Variants in PKIG observed in about 807,000 individuals in gnomAD.
PKIG encodes the protein protein kinase (cAMP-dependent, catalytic) inhibitor gamma.
In PKIG, 1 loss-of-function variant was observed where a neutral mutation model predicts 6.8. That is an observed-to-expected ratio of 0.15 (90% CI 0.05 to 0.69). PKIG has a LOEUF of 0.69. Ranked by LOEUF, PKIG falls within the 30% of genes least tolerant of loss-of-function variation. The pLI is 0.82. For missense variants in PKIG, 77 were observed against 104.0 expected, an observed-to-expected ratio of 0.74 and a Z score of 1.13; for synonymous variants, 39 against 43.0, an observed-to-expected ratio of 0.91 and a Z score of 0.36.
chr20:44,552,233 G>C (rs547925043), intron 1 of PKIG, among the ~76,000 whole-genome samples: 5 of 152,312 alleles, frequency 3.3e-5, no homozygotes, highest in African/African-American at 1.2e-4. Flanking sequence ...ATTTCTCAAA[G>C]CCATCCATCA....
intron 1 of PKIG, among the ~76,000 whole-genome samples, chr20:44,555,869 G>A (rs573441125): frequency 2.0e-5 from 3 of 152,114 alleles, no homozygotes; most frequent in South Asian, 2.1e-4. Flanking sequence ...ACGGAGTCTC[G>A]CTGTGTCACC....
At chr20:44,575,918 G>A (rs376504119) in intron 1 of PKIG, among the ~76,000 whole-genome samples, 2 of 152,172 alleles carry the variant, frequency 1.3e-5, no homozygotes, top group South Asian at 2.1e-4. Context: ...CCTCCCTGGG[G>A]TCCCACACCA....
In PKIG at chr20:44,614,476, T is replaced by A. The variant is rs1359712146; in HGVS notation, c.-23-58T>A. The A allele has an allele frequency of 7.8e-7, 1 of 1,287,614 alleles. No homozygotes were observed. Among genetic ancestry groups the A allele is most frequent in the Non-Finnish European group, 1.1e-6 (1 of 906,302 alleles). 79.8% of individuals were successfully genotyped at this position (1,287,614 alleles called of 1,614,324 possible). The stretch of plus-strand genomic sequence containing the variant: ...CCACTGTGCTGGGGAACTGGAGCTG[T>A]CCTCTCTGCAGAATGCATCTGGACT... On this transcript the variant is annotated intron_variant, in intron 2 of 3. Transcript: ENST00000372886. This position sits in a 1 kb window ranked among gnomAD's most constrained non-coding sequence, Gnocchi z 4.6.
At chr20:44,551,057 G>A (rs2064663386) in intron 1 of PKIG, among the ~76,000 whole-genome samples, 1 of 151,922 alleles carries the variant, frequency 6.6e-6, no homozygotes. Context: ...ACAAAACAAA[G>A]CAACATTTTC....
chr20:44,590,014 C>T (rs540912683), intron 2 of PKIG, 148 bp downstream of exon 2: 4 of 152,262 alleles, frequency 2.6e-5, no homozygotes, highest in African/African-American at 7.2e-5. Flanking sequence ...GGCAGGATGG[C>T]TCTTTTCAGA....
intron 1 of PKIG, among the ~76,000 whole-genome samples, chr20:44,562,996 G>A (rs1004988566): frequency 1.3e-5 from 2 of 152,174 alleles, no homozygotes; most frequent in African/African-American, 4.8e-5. Flanking sequence ...GTTGCAGTGA[G>A]TGGAGATCGT....
chr20:44,589,673 A>G (rs1869538954), intron 1 of PKIG, 124 bp from the exon 2 acceptor site: 1 of 152,238 alleles, frequency 6.6e-6, no homozygotes. Flanking sequence ...TTGACCCCAA[A>G]GGATATGTAT....
At chr20:44,577,197 C>T (rs2064906216) in intron 1 of PKIG, among the ~76,000 whole-genome samples, 1 of 152,144 alleles carries the variant, frequency 6.6e-6, no homozygotes, top group African/African-American at 2.4e-5. Flanking sequence ...GCAACCTCTG[C>T]CTCCCAGGTT....
upstream of PKIG, among the ~76,000 whole-genome samples, chr20:44,578,663 C>G (rs1023345199): frequency 2.6e-5 from 4 of 152,190 alleles, no homozygotes; most frequent in Admixed American, 6.5e-5. Context: ...TGCCATGCTT[C>G]TTATACAGTC....
At chr20:44,597,889 T>C (rs972449721) in intron 2 of PKIG, among the ~76,000 whole-genome samples, 2 of 152,240 alleles carry the variant, frequency 1.3e-5, no homozygotes, top group Admixed American at 6.5e-5. Flanking sequence ...GAGCTAGAAG[T>C]AACATTAGAG....
chr20:44,604,318 TGA>T (rs537154512), intron 2 of PKIG, among the ~76,000 whole-genome samples: 2 of 152,292 alleles, frequency 1.3e-5, no homozygotes, highest in South Asian at 2.1e-4. Context: ...AGGGAATGAA[TGA>T]GAGAGAGTCC....
chr20:44,612,390 G>A lies in PKIG; in HGVS notation c.-23-2144G>A, dbSNP rs189998120. ...TCTAGAACTAGGATTTGCTGGGTGGGCCCATGGGCCCACCCCACTGGACTA... is the reference window on the plus strand; with the variant it reads ...TCTAGAACTAGGATTTGCTGGGTGGACCCATGGGCCCACCCCACTGGACTA... On this transcript the variant is annotated intron_variant, in intron 2 of 3. Transcript: ENST00000372886. Among the ~76,000 whole-genome samples, 330 of 151,376 alleles carry A rather than the reference G, an allele frequency of 2.2e-3. 1 individual carries two copies. Among genetic ancestry groups the A allele is most frequent in the African/African-American group, 7.5e-3 (311 of 41,336 alleles).
At position 44,535,504 on chromosome 20, in the gene PKIG, A is replaced by G. The variant is rs968119215; in HGVS notation, c.-241+3526A>G. ...AAAAATACAAAAATTAGCTGGGTGT[A>G]GTGGTGCACGCCTGTAGTCCCAGCT... On this transcript the variant is annotated intron_variant, in intron 1 of 4. Coordinates refer to the PKIG transcript ENST00000372887. Among the ~76,000 whole-genome samples the G allele has an allele frequency of 4.8e-4, 73 of 152,218 alleles. 1 individual carries two copies. The highest frequency in any genetic ancestry group is 6.8e-3 in the Middle Eastern group (2 of 294).
At chr20:44,617,561 C>T (rs943115900) in intron 3 of PKIG, among the ~76,000 whole-genome samples, 3 of 152,088 alleles carry the variant, frequency 2.0e-5, no homozygotes, top group African/African-American at 7.2e-5. Context: ...TATCCTGACT[C>T]CCCTCAGTGA....
chr20:44,616,399 G>A (rs910399592), intron 3 of PKIG, among the ~76,000 whole-genome samples: 1 of 152,158 alleles, frequency 6.6e-6, no homozygotes, highest in Non-Finnish European at 1.5e-5. Context: ...TTCATTGACC[G>A]ACTGAATGAC....
intron 1 of PKIG, among the ~76,000 whole-genome samples, chr20:44,538,605 T>C (rs2064533545): frequency 6.6e-6 from 1 of 152,156 alleles, no homozygotes; most frequent in African/African-American, 2.4e-5. Context: ...AGTCATCATA[T>C]TTCATCCATG....
intron 1 of PKIG, among the ~76,000 whole-genome samples, chr20:44,568,209 G>A (rs1600858552): frequency 6.6e-6 from 1 of 152,256 alleles, no homozygotes; most frequent in African/African-American, 2.4e-5. Context: ...TGCACATTTT[G>A]TAGCACTTGG....
intron 2 of PKIG, among the ~76,000 whole-genome samples, chr20:44,613,391 C>T (rs1194825538): frequency 6.6e-6 from 1 of 152,128 alleles, no homozygotes; most frequent in Admixed American, 6.5e-5. Flanking sequence ...TGGTCTTGAT[C>T]TAGAACTACT....
At chr20:44,590,381 A>C (rs2065024796) in intron 2 of PKIG, among the ~76,000 whole-genome samples, 1 of 152,220 alleles carries the variant, frequency 6.6e-6, no homozygotes, top group Non-Finnish European at 1.5e-5. Context: ...ATGAAGATGC[A>C]GTCCCTCCAG....
Sources: allele counts gnomAD v4.1 joint callset (sites outside exome capture counted in the v4.1 genomes callset), GRCh38; gene constraint gnomAD v4.1.1; non-coding constraint Gnocchi (gnomAD v3.1); transcripts MANE v1.5; gene names NCBI Gene and HGNC (gene_info 2026-07-23, HGNC 2026-07-21).